Variants in CCDC91 observed in about 807,000 individuals in gnomAD.
The protein encoded by CCDC91 is coiled-coil domain containing 91.
In CCDC91, 48 loss-of-function variants were observed where a neutral mutation model predicts 63.2. That is an observed-to-expected ratio of 0.76 (90% confidence interval 0.60 to 0.97). The LOEUF (loss-of-function observed/expected upper bound fraction) is 0.97, where lower values mean the gene tolerates loss of function less well. Among genes scored for constraint, CCDC91 ranks in the 50% least tolerant of loss-of-function variants. The pLI, the probability that CCDC91 is intolerant of heterozygous loss-of-function variation, is 0.00. For missense variants in CCDC91, 500 were observed against 494.6 expected, an observed-to-expected ratio of 1.01 and a Z score of -0.10; for synonymous variants, 167 against 165.8, an observed-to-expected ratio of 1.01 and a Z score of -0.06.
intron 11 of CCDC91, among the ~76,000 whole-genome samples, chr12:28,461,113 C>CA (rs928813908): frequency 5.1e-4 from 77 of 149,748 alleles, no homozygotes; most frequent in African/African-American, 1.6e-3. Context: ...TGTATCTAAA[C>CA]AAAAAAAAAG....
intron 12 of CCDC91, among the ~76,000 whole-genome samples, chr12:28,504,521 T>C (rs1294840434): frequency 6.6e-6 from 1 of 151,944 alleles, no homozygotes. Context: ...TCATATCCAA[T>C]ACATAGTGAA....
chr12:28,333,094 GA>G (rs1352906827), intron 6 of CCDC91, among the ~76,000 whole-genome samples: 3 of 152,040 alleles, frequency 2.0e-5, no homozygotes, highest in Non-Finnish European at 4.4e-5. Context: ...TTGGGCAACT[GA>G]AAATTTTTCC....
chr12:28,305,397 C>A (rs1334945714), intron 3 of CCDC91, among the ~76,000 whole-genome samples: 1 of 151,912 alleles, frequency 6.6e-6, no homozygotes, highest in Non-Finnish European at 1.5e-5. Flanking sequence ...AACACTAAGA[C>A]TTTATAAAAC....
chr12:28,289,714 C>T lies in CCDC91; in HGVS notation c.110-15935C>T, dbSNP rs572308658. On this transcript the variant is annotated intron_variant, in intron 3 of 12. Transcript: ENST00000536442. ...TTTTTTTTTTTTTTTTTTTTGACGA[C>T]GGAGTCTCACTCTGTTGCCCAGGCT... Among the ~76,000 whole-genome samples the T allele has an allele frequency of 3.1e-4, 33 of 107,436 alleles. No individual in the cohort carries two copies. In the South Asian group the frequency reaches 8.7e-3, roughly 28 times the overall value. 70.5% of individuals were successfully genotyped at this position (107,436 alleles called of 152,430 possible). A position where few individuals can be genotyped will look rare whatever the true frequency, so the allele number is the denominator to read the frequency against.
intron 8 of CCDC91, among the ~76,000 whole-genome samples, chr12:28,443,812 A>G (rs1949358356): frequency 6.6e-6 from 1 of 152,198 alleles, no homozygotes; most frequent in Non-Finnish European, 1.5e-5. Context: ...TTATTAGACA[A>G]ACGAAATGGA....
At chr12:28,533,823 A>G (rs1404015633) in intron 12 of CCDC91, among the ~76,000 whole-genome samples, 1 of 151,566 alleles carries the variant, frequency 6.6e-6, no homozygotes, top group Admixed American at 6.6e-5. Context: ...GCATTATTTG[A>G]AAAGTGTTTC....
intron 8 of CCDC91, among the ~76,000 whole-genome samples, chr12:28,411,278 T>C (rs1592593260): frequency 6.6e-6 from 1 of 152,326 alleles, no homozygotes; most frequent in East Asian, 1.9e-4. Context: ...GCTCTTACCA[T>C]TAGCATTTAG....
rs147215478 is a variant in CCDC91 at position 28,385,020 on chromosome 12, GA to G, written c.655-6276del. ...TTTGCTGAAAAAAGGGCTTGTACCAGAAAAAAAACATAAAAATATCTCTTCA... is the reference window on the plus strand; with the variant it reads ...TTTGCTGAAAAAAGGGCTTGTACCAGAAAAAAACATAAAAATATCTCTTCA... On this transcript the variant is annotated intron_variant, in intron 7 of 12. Coordinates refer to ENST00000536442, the MANE Select transcript of CCDC91 (RefSeq NM_018318.5). Among the ~76,000 whole-genome samples, 1,434 of 151,524 alleles carry G rather than the reference GA, an allele frequency of 9.5e-3. 27 individuals are homozygous for G. The highest frequency in any genetic ancestry group is 0.032 in the African/African-American group (1,331 of 41,328).
chr12:28,325,225 A>G (rs989267774), intron 6 of CCDC91, among the ~76,000 whole-genome samples: 2 of 152,170 alleles, frequency 1.3e-5, no homozygotes, highest in African/African-American at 4.8e-5. Flanking sequence ...ATGTTTGGTT[A>G]TTAACTAAAA....
intron 8 of CCDC91, among the ~76,000 whole-genome samples, chr12:28,423,468 G>T (rs1948128277): frequency 6.6e-6 from 1 of 152,116 alleles, no homozygotes; most frequent in Admixed American, 6.6e-5. Context: ...TATCCACTTG[G>T]AGGATAGGAC....
intron 3 of CCDC91, 117 bp from the exon 4 acceptor site, chr12:28,305,532 A>G: frequency 1.2e-6 from 1 of 853,608 alleles, no homozygotes; most frequent in Non-Finnish European, 1.7e-6. Context: ...CATTGCTTTT[A>G]CTTTCCTTAC....
chr12:28,459,079 G>A (rs1950188237), intron 11 of CCDC91, among the ~76,000 whole-genome samples: 1 of 152,134 alleles, frequency 6.6e-6, no homozygotes, highest in South Asian at 2.1e-4. Flanking sequence ...AGAACCAAGT[G>A]GCTGGTACAC....
intron 6 of CCDC91, among the ~76,000 whole-genome samples, chr12:28,332,398 A>T (rs1333743704): frequency 6.6e-6 from 1 of 152,194 alleles, no homozygotes; most frequent in Admixed American, 6.5e-5. Flanking sequence ...AGATTCAGAA[A>T]AGAGCATCCT....
At chr12:28,422,681 C>A (rs1054630920) in intron 8 of CCDC91, among the ~76,000 whole-genome samples, 3 of 152,072 alleles carry the variant, frequency 2.0e-5, no homozygotes, top group Admixed American at 6.6e-5. Context: ...TCTCCACATA[C>A]AGTGAATTTA....
intron 10 of CCDC91, 26 bp downstream of exon 10, chr12:28,450,444 G>A: frequency 6.6e-7 from 1 of 1,524,346 alleles, no homozygotes; most frequent in African/African-American, 1.4e-5. Flanking sequence ...ATAGTGGGTT[G>A]CTTGTAAGTA....
chr12:28,306,950 A>G lies in CCDC91; in HGVS notation c.471+5A>G. On this transcript the variant is annotated splice_donor_5th_base_variant and intron_variant, in intron 5 of 12. Coordinates refer to ENST00000536442, the MANE Select transcript of CCDC91 (RefSeq NM_018318.5). ...GAAAAACAGAGAATTAAACAGGTAT[A>G]TTTACATTTGCCTAAGAAATGTTTG... The G allele has an allele frequency of 1.3e-6, 2 of 1,550,980 alleles. No individual in the cohort carries two copies. The highest frequency in any genetic ancestry group is 1.8e-6 in the Non-Finnish European group (2 of 1,130,562).
intron 1 of CCDC91, among the ~76,000 whole-genome samples, chr12:28,256,317 A>C (rs1946440001): frequency 6.6e-6 from 1 of 152,170 alleles, no homozygotes; most frequent in South Asian, 2.1e-4. Flanking sequence ...TTGTAAATTA[A>C]GAAACAATCT....
intron 1 of CCDC91, among the ~76,000 whole-genome samples, chr12:28,232,848 G>T (rs1423196041): frequency 6.6e-6 from 1 of 151,738 alleles, no homozygotes; most frequent in African/African-American, 2.4e-5. Context: ...GGGCGTGTTG[G>T]TGCATGCCTG....
chr12:28,494,342 T>C (rs1952170183), intron 12 of CCDC91, among the ~76,000 whole-genome samples: 1 of 151,722 alleles, frequency 6.6e-6, no homozygotes, highest in South Asian at 2.1e-4. Flanking sequence ...TAAAGCAGGA[T>C]TCCCAAACTA....
Sources: gnomAD v4.1 joint callset for allele counts (sites outside exome capture counted in the v4.1 genomes callset) on GRCh38, gnomAD v4.1.1 for gene constraint, MANE v1.5 for transcripts, NCBI Gene and HGNC (gene_info 2026-07-23, HGNC 2026-07-21) for gene names.